KCNIP1: variants seen among roughly 807,000 people sequenced by gnomAD.
KCNIP1 encodes the protein A-type potassium channel modulatory protein KCNIP1.
A neutral mutation model predicts 33.0 loss-of-function variants in KCNIP1; 18 were observed. The observed-to-expected ratio is 0.55, with a 90% CI of 0.38 to 0.81. The LOEUF (loss-of-function observed/expected upper bound fraction) is 0.81. Ranked by LOEUF, KCNIP1 falls within the 30% of genes least tolerant of loss-of-function variation. The pLI is 0.00. For missense variants in KCNIP1, 238 were observed against 271.6 expected, an observed-to-expected ratio of 0.88 and a Z score of 0.87; for synonymous variants, 93 against 98.3, an observed-to-expected ratio of 0.95 and a Z score of 0.32.
intron 1 of KCNIP1, among the ~76,000 whole-genome samples, chr5:170,481,203 C>T (rs755566465): frequency 2.7e-4 from 41 of 152,172 alleles, no homozygotes; most frequent in Admixed American, 8.5e-4. Context: ...CCAGAACCAC[C>T]CTGTGATATT....
upstream of KCNIP1, among the ~76,000 whole-genome samples, chr5:170,499,876 G>C (rs1025822950): frequency 6.6e-6 from 1 of 152,176 alleles, no homozygotes; most frequent in Admixed American, 6.5e-5. Flanking sequence ...TAGAGGGGTT[G>C]CCTAAGGAGT....
intron 1 of KCNIP1, among the ~76,000 whole-genome samples, chr5:170,673,890 C>G (rs1762019236): frequency 6.6e-6 from 1 of 151,974 alleles, no homozygotes; most frequent in African/African-American, 2.4e-5. Context: ...ACACATACTA[C>G]TAGGTTGGGG....
chr5:170,388,137 G>A (rs1464554836), intron 1 of KCNIP1, among the ~76,000 whole-genome samples: 4 of 152,224 alleles, frequency 2.6e-5, no homozygotes, highest in Non-Finnish European at 5.9e-5. Flanking sequence ...AGTTTTAGGA[G>A]CTCAGAAGGA....
intron 1 of KCNIP1, among the ~76,000 whole-genome samples, chr5:170,509,775 T>C (rs1408343521): frequency 6.6e-6 from 1 of 152,202 alleles, no homozygotes; most frequent in Non-Finnish European, 1.5e-5. Flanking sequence ...TTGAAAAATA[T>C]AAATTCAGTC....
At chr5:170,622,795 T>A (rs1253483816) in intron 1 of KCNIP1, among the ~76,000 whole-genome samples, 1 of 152,140 alleles carries the variant, frequency 6.6e-6, no homozygotes. Context: ...ACAGCCCTGC[T>A]GACACCCTGA....
intron 1 of KCNIP1, among the ~76,000 whole-genome samples, chr5:170,406,688 T>C (rs1442583828): frequency 6.6e-6 from 1 of 152,202 alleles, no homozygotes; most frequent in Non-Finnish European, 1.5e-5. Context: ...CTTCTTCCTA[T>C]GTCGGCCCCA....
At position 170,477,825 on chromosome 5, in the gene KCNIP1, G is replaced by C. The variant is rs867402605; in HGVS notation, c.88+123861G>C. Among the ~76,000 whole-genome samples the C allele has an allele frequency of 7.3e-4, 111 of 152,264 alleles. No individual in the cohort carries two copies. In the Middle Eastern group the frequency reaches 0.014, roughly 19 times the overall value. ...TTACTCCTTGAACAAACATTTTTGA[G>C]TGTTGTGCTGTACAGGCCACTGGAT... is the stretch of plus-strand genomic sequence containing the variant. On this transcript the variant is annotated intron_variant, in intron 1 of 7. Coordinates refer to the KCNIP1 transcript ENST00000377360.
chr5:170,389,793 T>G (rs1406964699), intron 1 of KCNIP1: 1 of 152,274 alleles, frequency 6.6e-6, no homozygotes, highest in Non-Finnish European at 1.5e-5. Flanking sequence ...ACTTACGTGC[T>G]GTGTGACCCT....
intron 1 of KCNIP1, among the ~76,000 whole-genome samples, chr5:170,546,603 A>G (rs1008452009): frequency 6.6e-6 from 1 of 152,194 alleles, no homozygotes; most frequent in African/African-American, 2.4e-5. Flanking sequence ...AGGAGTTATC[A>G]GCCTACAGAG....
intron 1 of KCNIP1, among the ~76,000 whole-genome samples, chr5:170,646,243 A>C (rs890487703): frequency 6.6e-5 from 10 of 152,214 alleles, no homozygotes; most frequent in African/African-American, 2.4e-4. Flanking sequence ...AACTCATTCT[A>C]TGAGGCCAAT....
intron 1 of KCNIP1, among the ~76,000 whole-genome samples, chr5:170,581,246 C>T (rs1407958074): frequency 1.3e-5 from 2 of 152,208 alleles, no homozygotes; most frequent in Admixed American, 1.3e-4. Flanking sequence ...ACACCGAGGC[C>T]TGCAGACAGG....
intron 1 of KCNIP1, among the ~76,000 whole-genome samples, chr5:170,407,611 T>G (rs1755070687): frequency 6.6e-6 from 1 of 152,230 alleles, no homozygotes; most frequent in Non-Finnish European, 1.5e-5. Context: ...TGGAAAGCAT[T>G]GCCCTACAGT....
intron 1 of KCNIP1, among the ~76,000 whole-genome samples, chr5:170,630,199 A>T (rs1283712293): frequency 2.0e-5 from 3 of 152,212 alleles, no homozygotes; most frequent in Non-Finnish European, 4.4e-5. Context: ...GTCAGACAAA[A>T]AGGTTAGATA....
rs115600217 is a variant in KCNIP1, at chr5:170,622,086, C to T, written c.62-96672C>T. Reference sequence around the variant, plus strand: ...AACTGGAAATAATACTGCTTCCCTTCCAGTTTGTCAAGGATGAAGGTGCTT... The same window carrying T: ...AACTGGAAATAATACTGCTTCCCTTTCAGTTTGTCAAGGATGAAGGTGCTT... On this transcript the variant is annotated intron_variant, in intron 1 of 7. Transcript: ENST00000328939. Among the ~76,000 whole-genome samples the T allele has an allele frequency of 8.8e-3, 1,344 of 152,284 alleles. 10 individuals are homozygous for T. Among genetic ancestry groups the T allele is most frequent in the African/African-American group, 0.029 (1,195 of 41,544 alleles).
intron 1 of KCNIP1, among the ~76,000 whole-genome samples, chr5:170,453,066 G>T (rs1375778418): frequency 2.0e-5 from 3 of 152,130 alleles, no homozygotes; most frequent in African/African-American, 7.2e-5. Flanking sequence ...TAAATTATAC[G>T]TCCGTGCAGT....
chr5:170,365,766 C>G (rs1016924746), intron 1 of KCNIP1, among the ~76,000 whole-genome samples: 3 of 152,176 alleles, frequency 2.0e-5, no homozygotes, highest in African/African-American at 7.2e-5. Flanking sequence ...CTTGGGAAGT[C>G]CAAGGGAGTC....
chr5:170,734,249 G>A (rs946685857), intron 7 of KCNIP1, among the ~76,000 whole-genome samples: 1 of 64,912 alleles, frequency 1.5e-5, no homozygotes, highest in East Asian at 7.8e-4. Flanking sequence ...GGAAGCAGCT[G>A]GGGGGAAAAA....
chr5:170,401,532 G>A (rs969646738), intron 1 of KCNIP1, among the ~76,000 whole-genome samples: 1 of 152,160 alleles, frequency 6.6e-6, no homozygotes, highest in Non-Finnish European at 1.5e-5. Flanking sequence ...GGGAAGCCAA[G>A]ACGAGAAGAT....
At chr5:170,441,304 G>A (rs979469210) in intron 1 of KCNIP1, among the ~76,000 whole-genome samples, 1 of 152,090 alleles carries the variant, frequency 6.6e-6, no homozygotes, top group African/African-American at 2.4e-5. Context: ...TTGGTGCTTT[G>A]TAGAGAGGCT....
Sources: gnomAD v4.1 joint callset for allele counts (sites outside exome capture counted in the v4.1 genomes callset) on GRCh38, gnomAD v4.1.1 for gene constraint, MANE v1.5 for transcripts, NCBI Gene and HGNC (gene_info 2026-07-23, HGNC 2026-07-21) for gene names.